Variants in STARD3NL observed in about 807,000 individuals in gnomAD.
STARD3NL encodes STARD3 N-terminal like.
Under a neutral mutation model 30.9 loss-of-function variants are expected in STARD3NL, and 17 were observed. The observed-to-expected ratio is 0.55, with a 90% CI of 0.38 to 0.82. The LOEUF is 0.82. Ranked by LOEUF, STARD3NL falls within the 40% of genes least tolerant of loss-of-function variation. STARD3NL has a pLI of 0.00. For synonymous variants in STARD3NL, 112 were observed against 100.5 expected (o/e 1.11, Z -0.69); for missense variants, 234 against 277.6 (o/e 0.84, Z 1.12).
chr7:38,215,922 A>T (rs1285647395), intron 4 of STARD3NL: 3 of 152,262 alleles, frequency 2.0e-5, no homozygotes, highest in Non-Finnish European at 4.4e-5. Context: ...TGTCTGGGCC[A>T]TGTCTTCTGA....
At chr7:38,216,735 A>G (rs941476854) in intron 4 of STARD3NL, 2 of 438,884 alleles carry the variant, frequency 4.6e-6, no homozygotes, top group Admixed American at 7.8e-5. Flanking sequence ...GAGGCTTTGG[A>G]ATTGTACCTT....
intron 1 of STARD3NL, among the ~76,000 whole-genome samples, chr7:38,181,837 G>T (rs1388523450): frequency 6.6e-6 from 1 of 152,004 alleles, no homozygotes; most frequent in Non-Finnish European, 1.5e-5. Flanking sequence ...CCCCAAATTG[G>T]ACTCCTGGTC....
At chr7:38,225,498 G>A (rs1416210788) in intron 7 of STARD3NL, among the ~76,000 whole-genome samples, 1 of 146,586 alleles carries the variant, frequency 6.8e-6, no homozygotes, top group Non-Finnish European at 1.5e-5. Flanking sequence ...AATACATTTT[G>A]AATTGATTTT....
intron 1 of STARD3NL, among the ~76,000 whole-genome samples, chr7:38,192,655 G>A (rs1283606661): frequency 2.6e-5 from 4 of 152,240 alleles, no homozygotes; most frequent in East Asian, 1.9e-4. Flanking sequence ...CTGAATGAAG[G>A]TCCCAAGAAA....
chr7:38,218,324 AT>A (rs918293979), intron 6 of STARD3NL, among the ~76,000 whole-genome samples: 2 of 152,198 alleles, frequency 1.3e-5, no homozygotes, highest in African/African-American at 4.8e-5. Flanking sequence ...GGAAAATCTC[AT>A]TTACATAGAA....
At chr7:38,200,705 A>G (rs554079637) in intron 1 of STARD3NL, among the ~76,000 whole-genome samples, 1 of 152,248 alleles carries the variant, frequency 6.6e-6, no homozygotes, top group South Asian at 2.1e-4. Context: ...AGTAAGAAAG[A>G]TTCTTGAGCT....
chr7:38,228,623 G>A (rs7795457), intron 7 of STARD3NL, among the ~76,000 whole-genome samples, 176 bp from the exon 8 acceptor site: 15,443 of 152,180 alleles, frequency 0.1, 801 homozygotes, highest in Middle Eastern at 0.15. Flanking sequence ...AGGTTTTCCT[G>A]TTACAAGAAA....
intron 7 of STARD3NL, among the ~76,000 whole-genome samples, chr7:38,226,291 A>G (rs1402342329): frequency 1.3e-5 from 2 of 151,046 alleles, no homozygotes; most frequent in Non-Finnish European, 1.5e-5. Flanking sequence ...GCTGTGCTAA[A>G]TCTGTGAAAT....
rs567350756 is a variant in STARD3NL, at chr7:38,188,865, A to G, written c.-59+10445A>G. On this transcript the variant is annotated intron_variant, in intron 1 of 8. Transcript: ENST00000009041. ...CATAGAAATTGCGTTGCTTTAAAAA[A>G]CAGTCGGAGTTCGGGAGATAAATTA... 2.0e-4 allele frequency among the ~76,000 whole-genome samples: 31 copies of G among 152,320 alleles called. 1 individual carries two copies. The highest frequency in any genetic ancestry group is 6.7e-4 in the African/African-American group (28 of 41,572).
chr7:38,194,684 A>G (rs1438539225), intron 1 of STARD3NL, among the ~76,000 whole-genome samples: 4 of 152,094 alleles, frequency 2.6e-5, no homozygotes, highest in Non-Finnish European at 4.4e-5. Context: ...GTACTACGTT[A>G]TGGAAGTCTA....
At chr7:38,193,330 G>T (rs991186362) in intron 1 of STARD3NL, among the ~76,000 whole-genome samples, 4 of 151,898 alleles carry the variant, frequency 2.6e-5, no homozygotes, top group African/African-American at 7.3e-5. Context: ...ATGGAGTCTC[G>T]CTCTGTCGCT....
intron 7 of STARD3NL, among the ~76,000 whole-genome samples, chr7:38,226,491 A>G (rs1231736944): frequency 6.6e-6 from 1 of 152,200 alleles, no homozygotes; most frequent in Non-Finnish European, 1.5e-5. Context: ...CAAGGCTTCC[A>G]TCCTCTGCCA....
At chr7:38,226,515 A>C (rs1485736275) in intron 7 of STARD3NL, among the ~76,000 whole-genome samples, 1 of 152,166 alleles carries the variant, frequency 6.6e-6, no homozygotes, top group Non-Finnish European at 1.5e-5. Context: ...AGAAATGTAC[A>C]TGGGTTGGAT....
At chr7:38,191,833 C>T (rs955425278) in intron 1 of STARD3NL, among the ~76,000 whole-genome samples, 1 of 151,610 alleles carries the variant, frequency 6.6e-6, no homozygotes, top group Non-Finnish European at 1.5e-5. Flanking sequence ...TATTTTTGTT[C>T]TTTTCCCAGA....
At chr7:38,215,750 A>T (rs1482270009) in intron 4 of STARD3NL, 1 of 152,286 alleles carries the variant, frequency 6.6e-6, no homozygotes, top group Non-Finnish European at 1.5e-5. Flanking sequence ...GTTCTATGGG[A>T]AGAAAATGTG....
chr7:38,214,441 AT>A lies in STARD3NL; in HGVS notation c.303+13del, dbSNP rs747392448. 7.1e-6 allele frequency: 11 copies of A among 1,554,546 alleles called. No homozygotes were observed. The highest frequency in any genetic ancestry group is 1.4e-5 in the African/African-American group (1 of 73,312). On this transcript the variant is annotated splice_region_variant and intron_variant, in intron 3 of 8. Transcript: ENST00000009041. ...TTCATATTTTGATATATTTGTAAGT[AT>A]TTTTTATGTTTCATTTCAGATGTGA... is the stretch of plus-strand genomic sequence containing the variant.
In STARD3NL at chr7:38,207,547, A is replaced by G. The variant is rs780533970; in HGVS notation, c.43A>G (p.Ser15Gly). ...AGACATGGAGAACGCTCTCACCGGG[A>G]GCCAGAGCTCCCATGCTTCTCTGCG... ...PEDMENALTG[S>G]QSSHASLRNI... Residue 15 changes from serine to glycine, a missense_variant, in exon 2 of 9, where the codon AGC becomes GGC. Ser to Gly is a moderately conservative substitution (Grantham distance 56). Transcript: ENST00000009041. The G allele has an allele frequency of 6.2e-7, 1 of 1,614,036 alleles. No individual in the cohort carries two copies. Among genetic ancestry groups the G allele is most frequent in the South Asian group, 1.1e-5 (1 of 91,078 alleles).
intron 1 of STARD3NL, among the ~76,000 whole-genome samples, chr7:38,186,058 G>A (rs1784444885): frequency 6.6e-6 from 1 of 152,172 alleles, no homozygotes; most frequent in African/African-American, 2.4e-5. Context: ...AATATTTCAA[G>A]TTCCTTAATT....
chr7:38,229,815 C>T (rs1232674585), intron 8 of STARD3NL, 108 bp from the exon 9 acceptor site: 1 of 152,224 alleles, frequency 6.6e-6, no homozygotes, highest in Non-Finnish European at 1.5e-5. Context: ...GTGTGTCTGT[C>T]ACAGCCCCTC....
Sources: gnomAD v4.1 joint callset for allele counts (sites outside exome capture counted in the v4.1 genomes callset) on GRCh38, gnomAD v4.1.1 for gene constraint, MANE v1.5 for transcripts, NCBI Gene and HGNC (gene_info 2026-07-23, HGNC 2026-07-21) for gene names.